RECQL: variants seen among roughly 807,000 people sequenced by gnomAD.
RECQL encodes RecQ like helicase, also known as ATP-dependent DNA helicase Q1.
A neutral mutation model predicts 75.8 loss-of-function variants in RECQL; 73 were observed. The ratio of observed to expected loss-of-function variants is 0.96; its 90% CI spans 0.80 to 1.17. The LOEUF (loss-of-function observed/expected upper bound fraction) is 1.17, where lower values mean the gene tolerates loss of function less well. RECQL is among the 50% of genes most tolerant of loss of function. The probability of loss-of-function intolerance (pLI) is 0.00; values close to 1 mark genes in which losing one functional copy is unlikely to be tolerated. For synonymous variants in RECQL, 248 were observed against 254.4 expected, an observed-to-expected ratio of 0.97 and a Z score of 0.24; for missense variants, 699 against 772.1, an observed-to-expected ratio of 0.91 and a Z score of 1.12.
chr12:21,498,298 A>G (rs1943544926), intron 2 of RECQL, among the ~76,000 whole-genome samples: 1 of 152,206 alleles, frequency 6.6e-6, no homozygotes, highest in Non-Finnish European at 1.5e-5. Flanking sequence ...GGCATGCTAT[A>G]CATCAGTGAA....
intron 2 of RECQL, among the ~76,000 whole-genome samples, chr12:21,497,462 G>A (rs1943528703): frequency 6.6e-6 from 1 of 152,188 alleles, no homozygotes; most frequent in Admixed American, 6.5e-5. Flanking sequence ...CCAGTCAGCA[G>A]TAAGCAGTCC....
At chr12:21,471,748 T>C (rs1394986988) in intron 12 of RECQL, 101 bp from the exon 13 acceptor site, 3 of 858,676 alleles carry the variant, frequency 3.5e-6, no homozygotes, top group Admixed American at 2.0e-5. Flanking sequence ...TGGTTATCAA[T>C]GTGAGCCACC....
intron 14 of RECQL, 131 bp downstream of exon 14, chr12:21,470,838 C>T (rs1942932819): frequency 1.1e-5 from 6 of 568,678 alleles, no homozygotes; most frequent in African/African-American, 2.0e-5. Context: ...CTCTTCCATA[C>T]CCAGAAATCT....
At position 21,476,895 on chromosome 12, in the gene RECQL, T is replaced by C; in HGVS notation, c.949+16A>G. 1 of 1,577,926 alleles carries C rather than the reference T, an allele frequency of 6.3e-7. No homozygotes were observed. Among genetic ancestry groups the C allele is most frequent in the South Asian group, 1.2e-5 (1 of 85,664 alleles). On this transcript the variant is annotated intron_variant, in intron 8 of 14. Transcript: ENST00000444129. Reference sequence around the variant, plus strand: ...AAGTTATCTCTGTCTCCAAAGTTGGTTTGTTTTTACATTACCTGATTGCCC... The same window carrying C: ...AAGTTATCTCTGTCTCCAAAGTTGGCTTGTTTTTACATTACCTGATTGCCC...
chr12:21,495,468 C>A (rs1033314532), intron 2 of RECQL, among the ~76,000 whole-genome samples: 2 of 151,796 alleles, frequency 1.3e-5, no homozygotes, highest in Non-Finnish European at 2.9e-5. Flanking sequence ...TGGTGGCGGG[C>A]GCCTGTAGTC....
intron 12 of RECQL, 77 bp downstream of exon 12, chr12:21,473,474 A>AT: frequency 9.1e-7 from 1 of 1,100,616 alleles, no homozygotes; most frequent in Non-Finnish European, 1.4e-6. Flanking sequence ...CTAGTGATGC[A>AT]TTTCTCAGAA....
intron 2 of RECQL, among the ~76,000 whole-genome samples, chr12:21,495,073 C>T (rs76658698): frequency 0.056 from 8,478 of 152,228 alleles, 294 homozygotes; most frequent in Non-Finnish European, 0.068. Context: ...ATTTGTAACA[C>T]GCAGAATAGA....
In RECQL at chr12:21,475,560, C is replaced by G. The variant is rs780969979; in HGVS notation, c.1124G>C (p.Gly375Ala). 4 of 1,612,370 alleles carry G rather than the reference C, an allele frequency of 2.5e-6. No individual in the cohort carries two copies. The African/African-American group carries it at 5.3e-5, about 22-fold the overall frequency. Residue 375 changes from glycine (G) to alanine (A), a missense_variant, in exon 10 of 15, where the codon GGT (glycine) becomes GCT (alanine). Transcript: ENST00000444129. ...IQVVVATVAF[G>A]MGIDKPDVRF... ...CACATCTGGCTTATCAATTCCCATACCAAATGCAACAGTTGCCACTACTAC... is the reference window on the plus strand; with the variant it reads ...CACATCTGGCTTATCAATTCCCATAGCAAATGCAACAGTTGCCACTACTAC...
intron 2 of RECQL, among the ~76,000 whole-genome samples, chr12:21,498,852 A>G (rs6487235): frequency 0.99 from 150,883 of 152,330 alleles, 74,746 homozygotes; most frequent in East Asian, 1. Flanking sequence ...TAAAGTACAA[A>G]CTATGATCAC....
rs931974098 is a variant in RECQL, at chr12:21,471,381, A to G, written c.1667+47T>C. 3 of 1,541,900 alleles carry G rather than the reference A, an allele frequency of 1.9e-6. No homozygotes were observed. The African/African-American group carries it at 4.2e-5, about 21-fold the overall frequency. On this transcript the variant is annotated intron_variant, in intron 13 of 14. Coordinates refer to ENST00000444129, the MANE Select transcript of RECQL (RefSeq NM_002907.4). ...TTATTCTGTTGCAATTTTTAAAAAAAAACCATAAAGACAACCTGAAAGAAT... is the reference window on the plus strand; with the variant it reads ...TTATTCTGTTGCAATTTTTAAAAAAGAACCATAAAGACAACCTGAAAGAAT...
chr12:21,480,795 C>T (rs931078354), intron 6 of RECQL, among the ~76,000 whole-genome samples: 4 of 152,180 alleles, frequency 2.6e-5, no homozygotes, highest in African/African-American at 7.2e-5. Flanking sequence ...TTATCACAGA[C>T]GTACCCCACC....
chr12:21,475,017 T>C (rs1472208525), intron 10 of RECQL, 38 bp from the exon 11 acceptor site: 1 of 1,590,216 alleles, frequency 6.3e-7, no homozygotes, highest in Non-Finnish European at 8.6e-7. Context: ...AGAATTACAT[T>C]TACAAATTCA....
chr12:21,489,359 A>AG (rs1943365665), intron 4 of RECQL, among the ~76,000 whole-genome samples: 1 of 150,748 alleles, frequency 6.6e-6, no homozygotes, highest in Non-Finnish European at 1.5e-5. Flanking sequence ...TTCAAGAAAA[A>AG]GCTTGCTGAT....
At position 21,474,991 on chromosome 12, in the gene RECQL, G is replaced by C. The variant is rs1943055006; in HGVS notation, c.1217-12C>G. On this transcript the variant is annotated splice_polypyrimidine_tract_variant and intron_variant, in intron 10 of 14. Transcript: ENST00000444129. Reference sequence around the variant, plus strand: ...CATGTCATCTCGACCTGTGGTGTGAGAAACCTTGAGATTGCAGAATTACAT... The same window carrying C: ...CATGTCATCTCGACCTGTGGTGTGACAAACCTTGAGATTGCAGAATTACAT... 1 of 1,607,006 alleles carries C rather than the reference G, an allele frequency of 6.2e-7. No individual in the cohort carries two copies.
At chr12:21,490,421 T>C in intron 3 of RECQL, 43 bp from the exon 4 acceptor site, 1 of 1,312,432 alleles carries the variant, frequency 7.6e-7, no homozygotes, top group Non-Finnish European at 1.1e-6. Context: ...TGTAAGACTA[T>C]TATAGAAGTT....
At chr12:21,497,042 T>C (rs1011682507) in intron 2 of RECQL, among the ~76,000 whole-genome samples, 5 of 152,232 alleles carry the variant, frequency 3.3e-5, no homozygotes, top group African/African-American at 9.6e-5. Context: ...CAGAGAACTA[T>C]TACCCTTTCA....
chr12:21,497,508 C>T (rs922636665), intron 2 of RECQL, among the ~76,000 whole-genome samples: 2 of 152,174 alleles, frequency 1.3e-5, no homozygotes, highest in Non-Finnish European at 2.9e-5. Context: ...AATACATCCA[C>T]ACTATTATAA....
In RECQL at chr12:21,471,730, T is replaced by C. The variant is rs1012655554; in HGVS notation, c.1448-83A>G. ...AGGCTATCTTAAGTAGTTAAACTGG[T>C]TTAAAGCTGGTTATCAATGTGAGCC... On this transcript the variant is annotated intron_variant, in intron 12 of 14. Coordinates refer to ENST00000444129, the MANE Select transcript of RECQL (RefSeq NM_002907.4). 4.6e-6 allele frequency: 5 copies of C among 1,096,632 alleles called. No homozygotes were observed. In the African/African-American group the frequency reaches 6.2e-5, roughly 14 times the overall value. 67.9% of individuals were successfully genotyped at this position (1,096,632 alleles called of 1,614,324 possible).
chr12:21,483,564 T>C lies in RECQL; in HGVS notation c.512A>G (p.Lys171Arg). 2 of 1,573,730 alleles carry C rather than the reference T, an allele frequency of 1.3e-6. No individual in the cohort carries two copies. The highest frequency in any genetic ancestry group is 2.3e-5 in the East Asian group (1 of 43,586). The change falls in exon 6 of 15, where the codon AAA becomes AGA. Residue 171 changes from lysine (K) to arginine (R), a missense_variant. Transcript: ENST00000444129. ...ATTTACCATTTCAGCATGAACCCAT[T>C]TAACATGCTCCTATTAAAAGAAAAA... ...LNASSSKEHV[K>R]WVHAEMVNKN... is the part of the protein sequence containing the mutation.
Sources: allele counts gnomAD v4.1 joint callset (sites outside exome capture counted in the v4.1 genomes callset), GRCh38; gene constraint gnomAD v4.1.1; transcripts MANE v1.5; gene names NCBI Gene and HGNC (gene_info 2026-07-23, HGNC 2026-07-21).